PCDH7: variants seen among roughly 807,000 people sequenced by gnomAD.
PCDH7 encodes the protein protocadherin 7.
A neutral mutation model predicts 58.9 loss-of-function variants in PCDH7; 17 were observed. That is an observed-to-expected ratio of 0.29 (90% CI 0.20 to 0.43). PCDH7 has a LOEUF of 0.43. PCDH7 is among the 20% of genes least tolerant of loss of function. The pLI is 1.00. For synonymous variants in PCDH7, 664 were observed against 616.4 expected (o/e 1.08, Z -1.14); for missense variants, 1,274 against 1,441.0 (o/e 0.88, Z 1.88).
chr4:30,864,353 A>G (rs1042411511), intron 1 of PCDH7, among the ~76,000 whole-genome samples: 1 of 151,812 alleles, frequency 6.6e-6, no homozygotes, highest in African/African-American at 2.4e-5. Flanking sequence ...GAATTTATAG[A>G]CTCAAATTTA....
intron 1 of PCDH7, among the ~76,000 whole-genome samples, chr4:30,901,653 A>G (rs899632646): frequency 5.9e-5 from 9 of 152,156 alleles, no homozygotes; most frequent in Non-Finnish European, 5.9e-5. Context: ...TTTCCCTTAC[A>G]ATTGGCTTAA....
At chr4:30,937,131 A>G (rs1008895122) in intron 2 of PCDH7, among the ~76,000 whole-genome samples, 1 of 152,130 alleles carries the variant, frequency 6.6e-6, no homozygotes, top group Non-Finnish European at 1.5e-5. Context: ...TAACTTTTTT[A>G]ATTATGCAAA....
intron 3 of PCDH7, among the ~76,000 whole-genome samples, chr4:31,120,258 C>A (rs1717498635): frequency 6.6e-6 from 1 of 151,818 alleles, no homozygotes; most frequent in Admixed American, 6.6e-5. Flanking sequence ...CCTTATACAT[C>A]TTTCCATTCT....
At chr4:30,986,336 A>G (rs1178539074) in intron 3 of PCDH7, among the ~76,000 whole-genome samples, 2 of 152,034 alleles carry the variant, frequency 1.3e-5, no homozygotes, top group Non-Finnish European at 2.9e-5. Flanking sequence ...AAATTAGTCT[A>G]TTTTCTCCTG....
intron 3 of PCDH7, among the ~76,000 whole-genome samples, chr4:31,116,796 T>C (rs1359789529): frequency 6.6e-6 from 1 of 152,178 alleles, no homozygotes; most frequent in Non-Finnish European, 1.5e-5. Context: ...GTATATTATC[T>C]AACATTCAAA....
intron 3 of PCDH7, among the ~76,000 whole-genome samples, chr4:31,075,330 G>A (rs1041009677): frequency 6.6e-6 from 1 of 152,120 alleles, no homozygotes; most frequent in Non-Finnish European, 1.5e-5. Context: ...AACAACCAGA[G>A]ATTAAGAGTA....
At chr4:30,846,375 C>T (rs1352513799) in intron 1 of PCDH7, among the ~76,000 whole-genome samples, 1 of 152,100 alleles carries the variant, frequency 6.6e-6, no homozygotes, top group Non-Finnish European at 1.5e-5. Context: ...TGCTCCCCCT[C>T]TCTTGTACTC....
At chr4:30,895,484 T>C (rs1739286343) in intron 1 of PCDH7, among the ~76,000 whole-genome samples, 1 of 152,136 alleles carries the variant, frequency 6.6e-6, no homozygotes, top group Admixed American at 6.6e-5. Flanking sequence ...GATTTTATAA[T>C]TGGGTTTGTC....
At chr4:30,978,439 C>A (rs1750264478) in intron 3 of PCDH7, among the ~76,000 whole-genome samples, 1 of 152,064 alleles carries the variant, frequency 6.6e-6, no homozygotes, top group Non-Finnish European at 1.5e-5. Flanking sequence ...GCCCATATAG[C>A]CTTGGTATCA....
chr4:30,805,250 C>G (rs1488828266), intron 1 of PCDH7, among the ~76,000 whole-genome samples: 1 of 152,152 alleles, frequency 6.6e-6, no homozygotes, highest in Non-Finnish European at 1.5e-5. Context: ...GTCCTCAGTA[C>G]AAGTACTTAC....
intron 1 of PCDH7, among the ~76,000 whole-genome samples, chr4:30,743,252 T>C (rs1442806625): frequency 6.6e-6 from 1 of 152,202 alleles, no homozygotes; most frequent in Non-Finnish European, 1.5e-5. Context: ...TCACATTTTA[T>C]TCCTAGCATT....
chr4:31,033,055 C>T (rs1467752786), intron 3 of PCDH7, among the ~76,000 whole-genome samples: 6 of 151,976 alleles, frequency 3.9e-5, no homozygotes, highest in Admixed American at 3.9e-4. Context: ...GGTAAGCATT[C>T]AGAAAATACT....
intron 1 of PCDH7, among the ~76,000 whole-genome samples, chr4:30,814,339 A>C (rs139548086): frequency 3.0e-4 from 45 of 152,214 alleles, no homozygotes; most frequent in African/African-American, 9.9e-4. Context: ...TTTTTTCTGC[A>C]GCTTTAATTT....
At chr4:31,003,250 A>T (rs1752499442) in intron 3 of PCDH7, among the ~76,000 whole-genome samples, 1 of 152,068 alleles carries the variant, frequency 6.6e-6, no homozygotes, top group African/African-American at 2.4e-5. Context: ...CATTGTCATT[A>T]TCTTGACAAT....
chr4:31,040,390 T>C (rs1054652201), intron 3 of PCDH7, among the ~76,000 whole-genome samples: 5 of 152,212 alleles, frequency 3.3e-5, no homozygotes, highest in Non-Finnish European at 7.3e-5. Flanking sequence ...TGGCTCCTTT[T>C]GCTCAATTAA....
chr4:31,029,143 C>A (rs1272339130), intron 3 of PCDH7, among the ~76,000 whole-genome samples: 1 of 152,134 alleles, frequency 6.6e-6, no homozygotes, highest in East Asian at 1.9e-4. Context: ...CTTGTTAATT[C>A]TTTTTACTGC....
chr4:30,963,536 T>C (rs1407420653), intron 3 of PCDH7, among the ~76,000 whole-genome samples: 1 of 152,210 alleles, frequency 6.6e-6, no homozygotes, highest in African/African-American at 2.4e-5. Flanking sequence ...GACCCTGTGC[T>C]AAATGTTAGA....
chr4:30,771,945 A>G (rs1721468814), intron 1 of PCDH7, among the ~76,000 whole-genome samples: 1 of 150,762 alleles, frequency 6.6e-6, no homozygotes, highest in African/African-American at 2.4e-5. Context: ...ATCTCGGCTC[A>G]TTGGAACCTT....
chr4:30,844,283 CAAAT>C (rs974875317), intron 1 of PCDH7, among the ~76,000 whole-genome samples: 135 of 152,220 alleles, frequency 8.9e-4, no homozygotes, highest in African/African-American at 3.2e-3. Context: ...ACTAAACAAA[CAAAT>C]AAAAACTCAT....
Sources: allele counts gnomAD v4.1 joint callset (sites outside exome capture counted in the v4.1 genomes callset), GRCh38; gene constraint gnomAD v4.1.1; transcripts MANE v1.5; gene names NCBI Gene and HGNC (gene_info 2026-07-23, HGNC 2026-07-21).